Variants in CCDC88A observed in about 807,000 individuals in gnomAD.
The protein encoded by CCDC88A is coiled-coil and HOOK domain protein 88A.
Under a neutral mutation model 234.3 loss-of-function variants are expected in CCDC88A, and 54 were observed. The observed-to-expected ratio is 0.23, with a 90% CI of 0.19 to 0.29. The LOEUF (loss-of-function observed/expected upper bound fraction) is 0.29, where lower values mean the gene tolerates loss of function less well. Among genes scored for constraint, CCDC88A ranks in the 10% least tolerant of loss-of-function variants. The probability of loss-of-function intolerance (pLI) is 1.00; values close to 1 mark genes in which losing one functional copy is unlikely to be tolerated. For synonymous variants in CCDC88A, 753 were observed against 737.8 expected (o/e 1.02, Z -0.33); for missense variants, 1,832 against 2,123.4 (o/e 0.86, Z 2.70).
In CCDC88A at chr2:55,419,515, G is replaced by A. The variant is rs1411526760; in HGVS notation, c.-436C>T. On this transcript the variant is annotated 5_prime_UTR_variant, in exon 1 of 33. Transcript: ENST00000436346. ...AAACAGAGACCACGTTAAGGATACCGAGGCGCCACCAGACTCGACCTCGGC... is the reference window on the plus strand; with the variant it reads ...AAACAGAGACCACGTTAAGGATACCAAGGCGCCACCAGACTCGACCTCGGC... The A allele has an allele frequency of 1.8e-5, 3 of 162,240 alleles. No homozygotes were observed. Among genetic ancestry groups the A allele is most frequent in the Admixed American group, 6.1e-5 (1 of 16,462 alleles). 10.1% of individuals were successfully genotyped at this position (162,240 alleles called of 1,614,324 possible).
intron 17 of CCDC88A, 174 bp from the exon 18 acceptor site, chr2:55,322,866 G>C (rs1486111826): frequency 7.2e-6 from 3 of 417,986 alleles, no homozygotes; most frequent in Non-Finnish European, 1.3e-5. Context: ...TTTCCTCCTA[G>C]AAATATAAAA....
chr2:55,333,054 C>T lies in CCDC88A; in HGVS notation c.2728-361G>A, dbSNP rs114115574. On this transcript the variant is annotated intron_variant, in intron 15 of 32. Transcript: ENST00000436346. ...AATATATGTTGACTATAATACTTCT[C>T]TCCCACAAGATCCCTTCTCCCAGTG... Among the ~76,000 whole-genome samples the T allele has an allele frequency of 7.9e-3, 1,206 of 152,296 alleles. 16 individuals are homozygous for T. The highest frequency in any genetic ancestry group is 0.026 in the African/African-American group (1,091 of 41,552).
intron 17 of CCDC88A, 133 bp from the exon 18 acceptor site, chr2:55,322,825 G>T: frequency 2.2e-6 from 1 of 462,630 alleles, no homozygotes; most frequent in South Asian, 6.4e-5. Flanking sequence ...TGAATAATAT[G>T]TATGATTTAT....
intron 9 of CCDC88A, chr2:55,348,739 G>C (rs1337468387): frequency 6.6e-6 from 1 of 152,170 alleles, no homozygotes; most frequent in Admixed American, 6.6e-5. Context: ...CTGCTTTAGA[G>C]AGAACCAACA....
chr2:55,372,427 A>G (rs1262667756), intron 5 of CCDC88A, 25 bp downstream of exon 5: 1 of 1,220,344 alleles, frequency 8.2e-7, no homozygotes, highest in Non-Finnish European at 1.2e-6. Context: ...TTAAAATGAA[A>G]ATATGAAAAA....
chr2:55,396,506 G>C (rs1197870680), intron 2 of CCDC88A, among the ~76,000 whole-genome samples: 1 of 152,044 alleles, frequency 6.6e-6, no homozygotes, highest in Non-Finnish European at 1.5e-5. Context: ...TAGGATCCTA[G>C]AGCTCTTTTA....
chr2:55,393,289 G>GTGTT (rs1553432677), intron 2 of CCDC88A, among the ~76,000 whole-genome samples: 1 of 61,660 alleles, frequency 1.6e-5, no homozygotes, highest in African/African-American at 7.1e-5. Context: ...GGTTTTTTGG[G>GTGTT]TTTTTTTTTT....
intron 31 of CCDC88A, chr2:55,294,332 T>G: frequency 2.0e-6 from 2 of 983,930 alleles, no homozygotes; most frequent in Non-Finnish European, 2.4e-6. Flanking sequence ...GAAGAAACAA[T>G]AAATACAAAT....
At chr2:55,336,080 C>A (rs1328739855) in intron 14 of CCDC88A, among the ~76,000 whole-genome samples, 1 of 151,946 alleles carries the variant, frequency 6.6e-6, no homozygotes, top group African/African-American at 2.4e-5. Context: ...GTGGTGCATG[C>A]CTGTAGTCCC....
chr2:55,370,734 AG>A (rs1302768114), intron 5 of CCDC88A, among the ~76,000 whole-genome samples: 1 of 150,604 alleles, frequency 6.6e-6, no homozygotes, highest in East Asian at 2.0e-4. Context: ...GGGGCCAGGC[AG>A]GGTGGCTCAT....
chr2:55,295,012 GAGA>G (rs1295639985), intron 31 of CCDC88A: 16 of 1,207,254 alleles, frequency 1.3e-5, no homozygotes, highest in Non-Finnish European at 1.6e-5. Flanking sequence ...AATCATATTA[GAGA>G]AGCAGTGTAT....
In CCDC88A at chr2:55,419,109, C is replaced by G. The variant is rs1418009280; in HGVS notation, c.-30G>C. 2 of 1,395,168 alleles carry G rather than the reference C, an allele frequency of 1.4e-6. No individual in the cohort carries two copies. The highest frequency in any genetic ancestry group is 1.7e-5 in the Admixed American group (1 of 57,828). The allele number at this position is 1,395,168 out of a possible 1,614,324, so 86.4% of individuals were successfully genotyped here. ...CAGAGTATGTATTTGAAAAAAGGAA[C>G]TACCACAAAAATACGCCTAGGGAAT... On this transcript the variant is annotated 5_prime_UTR_variant, in exon 1 of 33. Transcript: ENST00000436346.
At chr2:55,355,355 A>ATTTT in intron 8 of CCDC88A, 1 of 427,254 alleles carries the variant, frequency 2.3e-6, no homozygotes, top group Non-Finnish European at 4.2e-6. Flanking sequence ...ATTTAAAAAA[A>ATTTT]TACATACTAG....
At chr2:55,346,926 T>A (rs904880826) in intron 9 of CCDC88A, among the ~76,000 whole-genome samples, 5 of 152,256 alleles carry the variant, frequency 3.3e-5, no homozygotes, top group African/African-American at 9.6e-5. Context: ...TCATATTTTT[T>A]AAATATCATG....
chr2:55,325,096 G>A (rs936717614), intron 17 of CCDC88A, among the ~76,000 whole-genome samples: 7 of 152,112 alleles, frequency 4.6e-5, no homozygotes, highest in African/African-American at 1.2e-4. Context: ...GAATCATCTC[G>A]TTAATCTGCC....
At chr2:55,356,691 A>G in intron 7 of CCDC88A, 1 of 152,262 alleles carries the variant, frequency 6.6e-6, no homozygotes, top group Non-Finnish European at 1.5e-5. Context: ...GCACTTAGGG[A>G]GGCCGAGGAG....
intron 3 of CCDC88A, among the ~76,000 whole-genome samples, chr2:55,381,143 CTAGGAGCTA>C (rs142863215): frequency 0.3 from 46,071 of 151,886 alleles, 7,364 homozygotes; most frequent in East Asian, 0.54. Flanking sequence ...GGTTTGCAGC[CTAGGAGCTA>C]TAGGCTACAC....
chr2:55,402,550 T>A (rs1338700761), intron 2 of CCDC88A, among the ~76,000 whole-genome samples: 1 of 152,236 alleles, frequency 6.6e-6, no homozygotes, highest in African/African-American at 2.4e-5. Flanking sequence ...AACTTTTCTT[T>A]CTCTGTTTTA....
chr2:55,379,236 T>G (rs1041034182), intron 3 of CCDC88A, among the ~76,000 whole-genome samples: 4 of 152,112 alleles, frequency 2.6e-5, no homozygotes, highest in Non-Finnish European at 5.9e-5. Context: ...CATTAAAGTA[T>G]TAAAGAAATG....
Sources: gnomAD v4.1 joint callset for allele counts (sites outside exome capture counted in the v4.1 genomes callset) on GRCh38, gnomAD v4.1.1 for gene constraint, MANE v1.5 for transcripts, NCBI Gene and HGNC (gene_info 2026-07-23, HGNC 2026-07-21) for gene names.